Variants in TNIK observed in about 807,000 individuals in gnomAD.
The protein encoded by TNIK is TRAF2 and NCK-interacting protein kinase.
A neutral mutation model predicts 191.3 loss-of-function variants in TNIK; 49 were observed. That is an observed-to-expected ratio of 0.26 (90% CI 0.20 to 0.32). The LOEUF is 0.32. TNIK is among the 10% of genes least tolerant of loss of function. The pLI, the probability that TNIK is intolerant of heterozygous loss-of-function variation, is 1.00. For missense variants in TNIK, 1,155 were observed against 1,702.3 expected, an observed-to-expected ratio of 0.68 and a Z score of 5.66; for synonymous variants, 594 against 600.9, an observed-to-expected ratio of 0.99 and a Z score of 0.17.
intron 2 of TNIK, among the ~76,000 whole-genome samples, chr3:171,335,289 TTTG>T (rs1292356720): frequency 2.0e-5 from 3 of 152,202 alleles, no homozygotes; most frequent in Non-Finnish European, 4.4e-5. Flanking sequence ...ATTTCCAAAT[TTTG>T]TTTTTTCTTG....
chr3:171,265,845 G>A (rs1055548123), intron 2 of TNIK, among the ~76,000 whole-genome samples: 4 of 147,330 alleles, frequency 2.7e-5, no homozygotes, highest in African/African-American at 9.8e-5. Flanking sequence ...CTTTAAATAA[G>A]CATTATTTTT....
At chr3:171,145,091 T>G (rs894185774) in intron 12 of TNIK, among the ~76,000 whole-genome samples, 1 of 148,892 alleles carries the variant, frequency 6.7e-6, no homozygotes. Flanking sequence ...TCTCTCTCTT[T>G]TTTTTTTTTT....
chr3:171,202,754 C>T (rs1413011593), intron 4 of TNIK, among the ~76,000 whole-genome samples: 13 of 152,200 alleles, frequency 8.5e-5, no homozygotes, highest in Admixed American at 8.5e-4. Context: ...GTGTTTGTAT[C>T]TACGTAACTT....
chr3:171,188,888 T>C, intron 6 of TNIK, 56 bp from the exon 7 acceptor site: 1 of 1,577,906 alleles, frequency 6.3e-7, no homozygotes. Flanking sequence ...TAGATAGCGA[T>C]AAAATGAATG....
chr3:171,286,126 C>T (rs1299652037), intron 2 of TNIK, among the ~76,000 whole-genome samples: 3 of 152,102 alleles, frequency 2.0e-5, no homozygotes, highest in Non-Finnish European at 2.9e-5. Context: ...GATGATGAGC[C>T]ATTGAAGGAG....
At chr3:171,418,043 C>A (rs1253527510) in intron 1 of TNIK, among the ~76,000 whole-genome samples, 1 of 152,162 alleles carries the variant, frequency 6.6e-6, no homozygotes, top group Non-Finnish European at 1.5e-5. Context: ...CCCAGCTGTA[C>A]AATCCTGGGA....
At chr3:171,192,513 T>C (rs1265995796) in intron 5 of TNIK, among the ~76,000 whole-genome samples, 1 of 152,186 alleles carries the variant, frequency 6.6e-6, no homozygotes, top group African/African-American at 2.4e-5. Flanking sequence ...GGAAAGCCAT[T>C]GTTTCCACAC....
At chr3:171,238,194 A>T (rs1272919153) in intron 2 of TNIK, among the ~76,000 whole-genome samples, 2 of 152,174 alleles carry the variant, frequency 1.3e-5, no homozygotes, top group Non-Finnish European at 2.9e-5. Flanking sequence ...TGTTTTATAA[A>T]TGCAGGATGG....
chr3:171,084,305 G>A lies in TNIK; in HGVS notation c.3019C>T (p.Leu1007Phe), dbSNP rs868189350. The A allele has an allele frequency of 1.2e-6, 2 of 1,613,426 alleles. No homozygotes were observed. Among genetic ancestry groups the A allele is most frequent in the Non-Finnish European group, 1.7e-6 (2 of 1,179,572 alleles). Residue 1007 changes from leucine to phenylalanine, a missense_variant, in exon 26 of 33, where the codon CTT (leucine) becomes TTT (phenylalanine). Physicochemically the swap from Leu to Phe is conservative, Grantham distance 22. Around this residue, in one of 3 missense-constraint regions of TNIK, gnomAD observed 735 missense variants for 848.0 expected, o/e 0.87. Coordinates refer to ENST00000436636, the MANE Select transcript of TNIK (RefSeq NM_015028.4). ...TTGAGTTTGGCCTGTTCTTGCCTAA[G>A]AAGTTCGCTAGTAAACAGAGCTTTG... Reference protein sequence around the residue: ...SAAALFTSELLRQEQAKLNEA... With the variant: ...SAAALFTSELFRQEQAKLNEA...
intron 1 of TNIK, among the ~76,000 whole-genome samples, chr3:171,392,311 T>C (rs1270897833): frequency 6.6e-6 from 1 of 152,090 alleles, no homozygotes; most frequent in Non-Finnish European, 1.5e-5. Flanking sequence ...ATTCCAGAAA[T>C]TTAATCTGGT....
intron 1 of TNIK, among the ~76,000 whole-genome samples, chr3:171,443,258 T>C (rs189823667): frequency 1.3e-5 from 2 of 152,216 alleles, no homozygotes; most frequent in Non-Finnish European, 2.9e-5. Context: ...ACCCAGAGTA[T>C]CCATGCTCTG....
chr3:171,385,878 A>G (rs566289675), intron 1 of TNIK, among the ~76,000 whole-genome samples: 4 of 152,332 alleles, frequency 2.6e-5, no homozygotes, highest in Admixed American at 1.3e-4. Context: ...ACACATGGCT[A>G]TGACAAAATG....
In TNIK at chr3:171,110,978, T is replaced by G. The variant is rs1725769490; in HGVS notation, c.2121-101A>C. 2.6e-6 allele frequency: 3 copies of G among 1,158,516 alleles called. No homozygotes were observed. In the East Asian group the frequency reaches 8.7e-5, roughly 33 times the overall value. The allele number at this position is 1,158,516 out of a possible 1,614,324, so 71.8% of individuals were successfully genotyped here. ...TTAATACCCAAAATATGTAAGGAACTCAAAACAGCTCAATAGCAAGAAAAC... is the reference window on the plus strand; with the variant it reads ...TTAATACCCAAAATATGTAAGGAACGCAAAACAGCTCAATAGCAAGAAAAC... On this transcript the variant is annotated intron_variant, in intron 18 of 32. Transcript: ENST00000436636.
At chr3:171,191,796 T>C (rs2108836644) in intron 5 of TNIK, among the ~76,000 whole-genome samples, 1 of 152,366 alleles carries the variant, frequency 6.6e-6, no homozygotes, top group South Asian at 2.1e-4. Context: ...TTTTGGCTTC[T>C]TTGTGGTGTG....
At chr3:171,154,894 G>A (rs1211845878) in intron 12 of TNIK, among the ~76,000 whole-genome samples, 1 of 152,184 alleles carries the variant, frequency 6.6e-6, no homozygotes, top group African/African-American at 2.4e-5. Flanking sequence ...TCATAAAGCT[G>A]ATCAGTGACA....
chr3:171,403,611 CAAAAAAAAAAAAA>C lies in TNIK; in HGVS notation c.58-33939_58-33927del, dbSNP rs57982642. 5.7e-3 allele frequency among the ~76,000 whole-genome samples: 573 copies of C among 100,192 alleles called. 2 individuals carry two copies. Among genetic ancestry groups the C allele is most frequent in the African/African-American group, 0.022 (538 of 24,030 alleles). 65.7% of individuals were successfully genotyped at this position (100,192 alleles called of 152,430 possible). A position where few individuals can be genotyped will look rare whatever the true frequency, so the allele number is the denominator to read the frequency against. On this transcript the variant is annotated intron_variant, in intron 1 of 32. Coordinates refer to ENST00000436636, the MANE Select transcript of TNIK (RefSeq NM_015028.4). ...CCTGGGCGACAGTGAGACTCCGTAT[CAAAAAAAAAAAAA>C]AAAAAAAAAGAAAAGAAAAGGGGGT... is the stretch of plus-strand genomic sequence containing the variant.
At chr3:171,261,030 G>T (rs1054188712) in intron 2 of TNIK, among the ~76,000 whole-genome samples, 3 of 152,140 alleles carry the variant, frequency 2.0e-5, no homozygotes, top group African/African-American at 7.2e-5. Flanking sequence ...TTACTTAAAA[G>T]CTTATGAGTC....
intron 2 of TNIK, among the ~76,000 whole-genome samples, chr3:171,235,334 G>A (rs550744935): frequency 6.5e-4 from 99 of 152,208 alleles, no homozygotes; most frequent in Middle Eastern, 3.4e-3. Flanking sequence ...GAGTCACCAC[G>A]CCCAATCTCA....
rs1007510642 is a variant in TNIK, at chr3:171,060,327, C to A, written c.*3554G>T. Among the ~76,000 whole-genome samples the A allele has an allele frequency of 1.3e-5, 2 of 152,066 alleles. No individual in the cohort carries two copies. The highest frequency in any genetic ancestry group is 4.8e-5 in the African/African-American group (2 of 41,394). On this transcript the variant is annotated 3_prime_UTR_variant, in exon 33 of 33. Transcript: ENST00000436636. Reference sequence around the variant, plus strand: ...ACTGGACAGGAGGGACCAGAGACACCAATTACCAATGAGTCACAAGAACAG... The same window carrying A: ...ACTGGACAGGAGGGACCAGAGACACAAATTACCAATGAGTCACAAGAACAG...
Sources: gnomAD v4.1 joint callset for allele counts (sites outside exome capture counted in the v4.1 genomes callset) on GRCh38, gnomAD v4.1.1 for gene constraint, gnomAD v4.1.1 regional missense constraint, MANE v1.5 for transcripts, NCBI Gene and HGNC (gene_info 2026-07-23, HGNC 2026-07-21) for gene names.